SETBP1: variants seen among roughly 807,000 people sequenced by gnomAD.
SETBP1 encodes SET-binding protein.
SETBP1 carries 9 observed loss-of-function variants against 101.0 expected under a neutral mutation model. The ratio of observed to expected loss-of-function variants is 0.09; its 90% confidence interval spans 0.05 to 0.16. The LOEUF is 0.16. Among genes scored for constraint, SETBP1 ranks in the 10% least tolerant of loss-of-function variants. SETBP1 has a pLI of 1.00. For synonymous variants in SETBP1, 818 were observed against 788.5 expected (o/e 1.04, Z -0.63); for missense variants, 1,858 against 2,033.8 (o/e 0.91, Z 1.66).
intron 2 of SETBP1, among the ~76,000 whole-genome samples, chr18:44,846,338 A>G (rs2072724329): frequency 6.6e-6 from 1 of 152,230 alleles, no homozygotes; most frequent in Non-Finnish European, 1.5e-5. Context: ...TTGGTGTATT[A>G]CAAAGTTGTG....
Position 44,680,965 on chromosome 18 carries a change from A to C in SETBP1, c.-229A>C, listed in dbSNP as rs1419862675. On this transcript the variant is annotated 5_prime_UTR_variant, in exon 1 of 6. Coordinates refer to ENST00000649279, the MANE Select transcript of SETBP1 (RefSeq NM_015559.3). ...TTTTTTGGGGGGGGAATGTATCAGA[A>C]TCTAACGTGTCGTTAATAGAAAGAA... The C allele has an allele frequency of 6.6e-6, 1 of 152,280 alleles. No individual in the cohort carries two copies. The highest frequency in any genetic ancestry group is 1.5e-5 in the Non-Finnish European group (1 of 68,110). The allele number at this position is 152,280 out of a possible 1,614,324, so 9.4% of individuals were successfully genotyped here.
intron 4 of SETBP1, chr18:44,989,091 A>G (rs923324372): frequency 6.6e-6 from 1 of 152,224 alleles, no homozygotes; most frequent in African/African-American, 2.4e-5. Flanking sequence ...ACATGAGGAA[A>G]CAAGTTTTTA....
intron 3 of SETBP1, among the ~76,000 whole-genome samples, chr18:44,942,913 A>G (rs574094955): frequency 6.6e-6 from 1 of 152,310 alleles, no homozygotes; most frequent in South Asian, 2.1e-4. Context: ...ATTTTATGGG[A>G]ATAACATCCA....
rs1182805610 is a variant in SETBP1 at position 44,980,565 on chromosome 18, C to T, written c.4000+27225C>T. ...TCAGTTCTGAATAGCCCCGACCTCCCGTGCCTCTCCCGTCTCTTACAAACG... is the reference window on the plus strand; with the variant it reads ...TCAGTTCTGAATAGCCCCGACCTCCTGTGCCTCTCCCGTCTCTTACAAACG... On this transcript the variant is annotated intron_variant, in intron 4 of 5. Transcript: ENST00000649279. Among the ~76,000 whole-genome samples the T allele has an allele frequency of 2.6e-5, 4 of 152,228 alleles. No individual in the cohort carries two copies. In the East Asian group the frequency reaches 7.7e-4, roughly 29 times the overall value.
intron 2 of SETBP1, among the ~76,000 whole-genome samples, chr18:44,818,436 G>A (rs2072030171): frequency 6.6e-6 from 1 of 152,164 alleles, no homozygotes. Flanking sequence ...CCAGCGGAGT[G>A]TGCCTTCCAC....
intron 2 of SETBP1, among the ~76,000 whole-genome samples, chr18:44,710,297 G>A (rs182060871): frequency 2.8e-4 from 42 of 152,190 alleles, no homozygotes; most frequent in Admixed American, 2.7e-3. Context: ...GACACAAGTG[G>A]CTTTGTTCAG....
intron 3 of SETBP1, among the ~76,000 whole-genome samples, chr18:44,921,883 G>T (rs575801638): frequency 3.3e-5 from 5 of 152,276 alleles, no homozygotes; most frequent in South Asian, 2.1e-4. Context: ...ACAGCAAATG[G>T]CTTTCCAGGG....
chr18:44,929,274 A>G (rs567190464), intron 3 of SETBP1, among the ~76,000 whole-genome samples: 93 of 151,776 alleles, frequency 6.1e-4, no homozygotes, highest in Middle Eastern at 6.8e-3. Flanking sequence ...CGAGGGCTCT[A>G]CTCTGTTCCA....
chr18:45,039,843 T>C (rs1271929447), intron 5 of SETBP1, among the ~76,000 whole-genome samples: 3 of 152,210 alleles, frequency 2.0e-5, no homozygotes, highest in African/African-American at 7.2e-5. Flanking sequence ...ATGAGCCCAG[T>C]TGAAATAACA....
intron 4 of SETBP1, among the ~76,000 whole-genome samples, chr18:44,984,270 A>G (rs770800699): frequency 2.0e-4 from 31 of 152,126 alleles, no homozygotes; most frequent in Admixed American, 1.2e-3. Context: ...GTGGAAGACA[A>G]TTTCTTCACA....
intron 3 of SETBP1, among the ~76,000 whole-genome samples, chr18:44,908,761 G>A (rs2070236370): frequency 6.6e-6 from 1 of 152,168 alleles, no homozygotes; most frequent in Non-Finnish European, 1.5e-5. Flanking sequence ...TCCTAGATTT[G>A]CTAAGCCTCA....
At chr18:44,903,974 C>A (rs1259314559) in intron 3 of SETBP1, among the ~76,000 whole-genome samples, 2 of 152,048 alleles carry the variant, frequency 1.3e-5, no homozygotes, top group East Asian at 3.8e-4. Flanking sequence ...AATTAAAGGT[C>A]TTTTAGGCCA....
At chr18:44,960,966 T>A (rs568869833) in intron 4 of SETBP1, among the ~76,000 whole-genome samples, 1 of 152,378 alleles carries the variant, frequency 6.6e-6, no homozygotes, top group Admixed American at 6.5e-5. Flanking sequence ...GATTCCAATG[T>A]ATTGCCTCCA....
At chr18:44,955,203 C>T (rs2071456296) in intron 4 of SETBP1, among the ~76,000 whole-genome samples, 1 of 152,172 alleles carries the variant, frequency 6.6e-6, no homozygotes. Flanking sequence ...TCACTGTGTG[C>T]CCCCACTCTA....
intron 2 of SETBP1, among the ~76,000 whole-genome samples, chr18:44,864,012 G>A (rs1357709792): frequency 6.6e-6 from 1 of 152,102 alleles, no homozygotes; most frequent in Non-Finnish European, 1.5e-5. Flanking sequence ...AGCAATTGGT[G>A]CGGGTATGTG....
chr18:44,926,446 A>T (rs1169619308), intron 3 of SETBP1, among the ~76,000 whole-genome samples: 1 of 152,168 alleles, frequency 6.6e-6, no homozygotes, highest in Non-Finnish European at 1.5e-5. Flanking sequence ...CCGCAGAAAG[A>T]TGTTTCCCTG....
At chr18:44,980,464 A>C (rs1478840035) in intron 4 of SETBP1, among the ~76,000 whole-genome samples, 2 of 151,602 alleles carry the variant, frequency 1.3e-5, no homozygotes, top group African/African-American at 4.9e-5. Context: ...AGTTTCTCTG[A>C]TTCGCACATT....
In SETBP1 at chr18:45,020,258, T is replaced by TAAAAAAAAAAA. The variant is rs57134217; in HGVS notation, c.4001-18200_4001-18190dup. Among the ~76,000 whole-genome samples the TAAAAAAAAAAA allele has an allele frequency of 6.2e-4, 33 of 53,084 alleles. 2 individuals are homozygous for TAAAAAAAAAAA. The highest frequency in any genetic ancestry group is 8.7e-4 in the Non-Finnish European group (25 of 28,832). 34.8% of individuals were successfully genotyped at this position (53,084 alleles called of 152,430 possible). On this transcript the variant is annotated intron_variant, in intron 4 of 5. Coordinates refer to ENST00000649279, the MANE Select transcript of SETBP1 (RefSeq NM_015559.3). ...CTGGTGACAGAGCAAGACTCTGTCTTAAAAAAAAAAAAAAAAAAAAAAAAA... is the reference window on the plus strand; with the variant it reads ...CTGGTGACAGAGCAAGACTCTGTCTTAAAAAAAAAAAAAAAAAAAAAAAAAAAAAAAAAAAA...
intron 2 of SETBP1, among the ~76,000 whole-genome samples, chr18:44,714,817 A>G (rs1320613777): frequency 6.6e-6 from 1 of 152,074 alleles, no homozygotes; most frequent in East Asian, 1.9e-4. Context: ...TTAATAAGTA[A>G]CTGTCAAAAT....
Sources: gnomAD v4.1 joint callset for allele counts (sites outside exome capture counted in the v4.1 genomes callset) on GRCh38, gnomAD v4.1.1 for gene constraint, MANE v1.5 for transcripts, NCBI Gene and HGNC (gene_info 2026-07-23, HGNC 2026-07-21) for gene names.